The following M1AP variants were observed in gnomAD, a reference collection of about 807,000 sequenced individuals.
M1AP encodes meiosis 1 arrest protein.
A neutral mutation model predicts 51.2 loss-of-function variants in M1AP; 39 were observed. The observed-to-expected ratio is 0.76, with a 90% confidence interval of 0.59 to 1.00. The LOEUF is 1.00. M1AP is among the 50% of genes least tolerant of loss of function. The pLI, the probability that M1AP is intolerant of heterozygous loss-of-function variation, is 0.00. For synonymous variants in M1AP, 251 were observed against 249.2 expected, an observed-to-expected ratio of 1.01 and a Z score of -0.07; for missense variants, 545 against 641.2, an observed-to-expected ratio of 0.85 and a Z score of 1.62.
intron 2 of M1AP, among the ~76,000 whole-genome samples, chr2:74,633,300 C>T (rs1682804412): frequency 1.3e-5 from 2 of 152,144 alleles, no homozygotes; most frequent in South Asian, 2.1e-4. Flanking sequence ...CCCATCTGTG[C>T]ACTTCCTTGT....
intron 2 of M1AP, among the ~76,000 whole-genome samples, chr2:74,626,256 A>ATTTTTTTT (rs1485849068): frequency 4.4e-5 from 6 of 136,502 alleles, no homozygotes; most frequent in African/African-American, 1.8e-4. Context: ...GCTATATTTC[A>ATTTTTTTT]GTTTTTTTTT....
chr2:74,579,094 G>C (rs1364696532), intron 5 of M1AP, among the ~76,000 whole-genome samples: 1 of 152,176 alleles, frequency 6.6e-6, no homozygotes, highest in Non-Finnish European at 1.5e-5. Context: ...AAGTTCCACT[G>C]TGCATCCCGA....
At chr2:74,604,802 G>A (rs948973755) in intron 4 of M1AP, among the ~76,000 whole-genome samples, 2 of 152,114 alleles carry the variant, frequency 1.3e-5, no homozygotes, top group South Asian at 2.1e-4. Flanking sequence ...TTTTCAGTAC[G>A]TAAATATCAA....
chr2:74,563,535 GTTGCAGTGAGCTGAGA>G (rs1022020077), intron 7 of M1AP, among the ~76,000 whole-genome samples: 6 of 150,986 alleles, frequency 4.0e-5, no homozygotes, highest in African/African-American at 1.5e-4. Context: ...GGAGGTGGAG[GTTGCAGTGAGCTGAGA>G]TTGCACCATT....
At chr2:74,639,817 T>C (rs758544602) in intron 2 of M1AP, among the ~76,000 whole-genome samples, 19 of 152,236 alleles carry the variant, frequency 1.2e-4, no homozygotes, top group Non-Finnish European at 2.5e-4. Flanking sequence ...GTAGCCTATT[T>C]ATACTCCCAG....
At chr2:74,616,469 T>A (rs546324309) in intron 2 of M1AP, among the ~76,000 whole-genome samples, 1 of 152,212 alleles carries the variant, frequency 6.6e-6, no homozygotes, top group South Asian at 2.1e-4. Flanking sequence ...AAGCTCTTTT[T>A]TTCCCAAGAG....
At chr2:74,599,864 G>T (rs375674846) in intron 4 of M1AP, among the ~76,000 whole-genome samples, 2 of 149,028 alleles carry the variant, frequency 1.3e-5, no homozygotes, top group East Asian at 3.9e-4. Context: ...GTGGAGTCTT[G>T]CTCTCACCCA....
chr2:74,595,706 GAT>G lies in M1AP; in HGVS notation c.595+11347_595+11348del, dbSNP rs1324439706. On this transcript the variant is annotated intron_variant, in intron 4 of 10. Coordinates refer to ENST00000421985, the MANE Select transcript of M1AP (RefSeq NM_001321739.2). The stretch of plus-strand genomic sequence containing the variant: ...TACACATGACAATTATAACATGAAA[GAT>G]AGTGTATGTGAATGGGAGCAGTAAA... 3.3e-5 allele frequency among the ~76,000 whole-genome samples: 5 copies of G among 152,314 alleles called. No individual in the cohort carries two copies. In the South Asian group the frequency reaches 8.3e-4, roughly 25 times the overall value.
chr2:74,558,853 G>GTGGTCTGCA lies in M1AP; in HGVS notation c.1455_1456insTGCAGACCA (p.Asn485_Arg486insCysArgPro). The GTGGTCTGCA allele has an allele frequency of 6.3e-7, 1 of 1,599,854 alleles. No individual in the cohort carries two copies. The highest frequency in any genetic ancestry group is 8.5e-7 in the Non-Finnish European group (1 of 1,174,728). On this transcript the variant is annotated inframe_insertion, in exon 11 of 11. Coordinates refer to ENST00000421985, the MANE Select transcript of M1AP (RefSeq NM_001321739.2). ...AGGGGGGCCACAGTAGCTCGAGCTC[G>GTGGTCTGCA]GTTGGTCTGCAACTGCCCAGTCTGC...
chr2:74,564,132 G>A (rs1678219721), intron 7 of M1AP, among the ~76,000 whole-genome samples: 1 of 152,202 alleles, frequency 6.6e-6, no homozygotes, highest in South Asian at 2.1e-4. Flanking sequence ...GATTTTTAGA[G>A]GAAAGAGGAT....
chr2:74,605,360 T>A (rs529949923), intron 4 of M1AP, among the ~76,000 whole-genome samples: 4 of 152,194 alleles, frequency 2.6e-5, no homozygotes, highest in Non-Finnish European at 5.9e-5. Flanking sequence ...AGGAAAAAAC[T>A]GCCATCAACA....
At chr2:74,609,836 G>A (rs1440608714) in intron 3 of M1AP, among the ~76,000 whole-genome samples, 1 of 152,172 alleles carries the variant, frequency 6.6e-6, no homozygotes, top group Non-Finnish European at 1.5e-5. Context: ...GCACCTGCCT[G>A]TGGCCATTTG....
chr2:74,627,430 G>T (rs551814571), intron 2 of M1AP, among the ~76,000 whole-genome samples: 6 of 152,036 alleles, frequency 3.9e-5, no homozygotes, highest in Non-Finnish European at 8.8e-5. Context: ...CAAATAATCC[G>T]CAAATAACAA....
At chr2:74,566,643 C>A (rs772538032) in intron 7 of M1AP, among the ~76,000 whole-genome samples, 11 of 54,784 alleles carry the variant, frequency 2.0e-4, no homozygotes, top group South Asian at 6.3e-4. Flanking sequence ...ACCTGTCTAT[C>A]CCCCCCACCC....
chr2:74,646,212 C>T (rs1683605999), intron 1 of M1AP, among the ~76,000 whole-genome samples: 1 of 152,128 alleles, frequency 6.6e-6, no homozygotes, highest in African/African-American at 2.4e-5. Flanking sequence ...GCCTCCTTGT[C>T]TCCTAGTGAT....
chr2:74,575,545 T>C lies in M1AP; in HGVS notation c.967A>G (p.Thr323Ala), dbSNP rs755405354. Residue 323 changes from threonine (T) to alanine (A), a missense_variant, in exon 7 of 11, where the codon ACA becomes GCA. Transcript: ENST00000421985. ...LKSSGLCESL[T>A]YGLPFILRPT... ...CTGAGGATGAACGGGAGTCCATATG[T>C]CAATGACTCGCAGAGCCCGCTAGAT... 5.0e-6 allele frequency: 8 copies of C among 1,614,150 alleles called. No individual in the cohort carries two copies. The South Asian group carries it at 7.7e-5, about 16-fold the overall frequency.
At chr2:74,580,396 G>A (rs939755545) in intron 5 of M1AP, among the ~76,000 whole-genome samples, 1 of 152,164 alleles carries the variant, frequency 6.6e-6, no homozygotes, top group Non-Finnish European at 1.5e-5. Context: ...GACAAAAGAG[G>A]TGGAAAGGAG....
chr2:74,560,145 C>T lies in M1AP; in HGVS notation c.1422+6G>A, dbSNP rs775633737. 2.4e-5 allele frequency: 38 copies of T among 1,612,944 alleles called. No homozygotes were observed. The highest frequency in any genetic ancestry group is 1.6e-4 in the Middle Eastern group (1 of 6,064). ...AAGGAAGAGGAGGGAAGGAGGGGAG[C>T]GGTACCTTTCTCGGAGCTCGGCTCT... On this transcript the variant is annotated splice_donor_region_variant and intron_variant, in intron 9 of 10. Transcript: ENST00000421985.
At chr2:74,608,085 AATCACCCAAAG>A (rs139007705) in intron 3 of M1AP, among the ~76,000 whole-genome samples, 4,660 of 152,214 alleles carry the variant, frequency 0.031, 240 homozygotes, top group African/African-American at 0.11. Flanking sequence ...GACACATCAT[AATCACCCAAAG>A]TCCACAGATT....
Sources: allele counts gnomAD v4.1 joint callset (sites outside exome capture counted in the v4.1 genomes callset), GRCh38; gene constraint gnomAD v4.1.1; transcripts MANE v1.5; gene names NCBI Gene and HGNC (gene_info 2026-07-23, HGNC 2026-07-21).